Variants in ESR1 observed in about 807,000 individuals in gnomAD.
ESR1 encodes the protein estrogen receptor 1.
A neutral mutation model predicts 52.7 loss-of-function variants in ESR1; 12 were observed. That is an observed-to-expected ratio of 0.23 (90% confidence interval 0.15 to 0.37). ESR1 has a LOEUF of 0.37. Among genes scored for constraint, ESR1 ranks in the 10% least tolerant of loss-of-function variants. The probability of loss-of-function intolerance (pLI) is 1.00; values close to 1 mark genes in which losing one functional copy is unlikely to be tolerated. For missense variants in ESR1, 584 were observed against 779.7 expected, an observed-to-expected ratio of 0.75 and a Z score of 2.99; for synonymous variants, 305 against 316.8, an observed-to-expected ratio of 0.96 and a Z score of 0.39.
intron 2 of ESR1, among the ~76,000 whole-genome samples, chr6:151,786,200 G>T (rs76840512): frequency 0.063 from 9,558 of 152,242 alleles, 458 homozygotes; most frequent in Non-Finnish European, 0.092. Flanking sequence ...CACAACTGCT[G>T]GAGAAGAGAT....
intron 1 of ESR1, among the ~76,000 whole-genome samples, chr6:151,832,557 G>T (rs1368534002): frequency 6.6e-6 from 1 of 152,200 alleles, no homozygotes; most frequent in Non-Finnish European, 1.5e-5. Context: ...TAGATGGACT[G>T]GGATGTTGCC....
intron 5 of ESR1, among the ~76,000 whole-genome samples, chr6:152,024,738 T>C (rs2043984235): frequency 6.8e-6 from 1 of 148,006 alleles, no homozygotes; most frequent in East Asian, 1.9e-4. Context: ...TATATACATG[T>C]ATTGTATTTA....
chr6:151,890,511 A>G (rs923847629), intron 3 of ESR1, among the ~76,000 whole-genome samples: 1 of 152,220 alleles, frequency 6.6e-6, no homozygotes, highest in Non-Finnish European at 1.5e-5. Flanking sequence ...TCTGTGCTAA[A>G]GTATAGTTTA....
chr6:151,815,851 T>C (rs918433871), intron 1 of ESR1, among the ~76,000 whole-genome samples: 2 of 152,204 alleles, frequency 1.3e-5, no homozygotes, highest in Non-Finnish European at 2.9e-5. Flanking sequence ...GCCCTCAGAC[T>C]ATAAACAAGT....
chr6:151,833,477 C>G (rs188163365), intron 1 of ESR1, among the ~76,000 whole-genome samples: 2 of 152,278 alleles, frequency 1.3e-5, no homozygotes, highest in East Asian at 3.9e-4. Flanking sequence ...TAGAACCCTG[C>G]CTGGCTCTTG....
intron 1 of ESR1, among the ~76,000 whole-genome samples, chr6:151,819,598 G>A (rs1780229179): frequency 6.6e-6 from 1 of 152,164 alleles, no homozygotes; most frequent in Non-Finnish European, 1.5e-5. Flanking sequence ...ATCTGTCATT[G>A]TGTCCCATCA....
upstream of ESR1, chr6:151,807,256 G>T: frequency 6.2e-6 from 1 of 161,626 alleles, no homozygotes; most frequent in Non-Finnish European, 1.4e-5. Context: ...CCTCCCCAGG[G>T]TCATCCTATG....
intron 3 of ESR1, among the ~76,000 whole-genome samples, chr6:151,885,826 G>T (rs1228751765): frequency 2.0e-5 from 3 of 152,174 alleles, no homozygotes; most frequent in South Asian, 2.1e-4. Flanking sequence ...CTGCATTCCA[G>T]CCTGGGCAAC....
At chr6:151,674,336 T>C (rs2115266595) in intron 1 of ESR1, among the ~76,000 whole-genome samples, 1 of 152,268 alleles carries the variant, frequency 6.6e-6, no homozygotes, top group East Asian at 1.9e-4. Flanking sequence ...CCAGCTTCAT[T>C]CATGTCCCTG....
At chr6:151,894,154 T>C (rs1473687068) in intron 3 of ESR1, among the ~76,000 whole-genome samples, 2 of 152,170 alleles carry the variant, frequency 1.3e-5, no homozygotes, top group African/African-American at 4.8e-5. Flanking sequence ...TTTGGTGATG[T>C]TGAGTATTTT....
intron 1 of ESR1, among the ~76,000 whole-genome samples, chr6:151,676,280 G>T (rs557091132): frequency 6.6e-6 from 1 of 152,244 alleles, no homozygotes; most frequent in African/African-American, 2.4e-5. Flanking sequence ...GTCTTCCAAG[G>T]GCTATGAAGG....
At chr6:152,085,440 G>T (rs879349901) in intron 6 of ESR1, among the ~76,000 whole-genome samples, 52 of 152,274 alleles carry the variant, frequency 3.4e-4, no homozygotes, top group African/African-American at 1.2e-3. Flanking sequence ...CATAAATTTG[G>T]ATAAGACACA....
intron 4 of ESR1, among the ~76,000 whole-genome samples, chr6:151,975,878 G>T (rs1451230803): frequency 6.6e-6 from 1 of 152,118 alleles, no homozygotes; most frequent in African/African-American, 2.4e-5. Context: ...TTAGAGAAAC[G>T]CTGGTCATTC....
intron 2 of ESR1, among the ~76,000 whole-genome samples, chr6:151,789,213 A>G (rs1787301513): frequency 6.6e-6 from 1 of 152,196 alleles, no homozygotes; most frequent in Admixed American, 6.5e-5. Context: ...GCCATTTTGG[A>G]AAATAGCCAA....
chr6:152,021,728 C>G (rs1376968885), intron 5 of ESR1, among the ~76,000 whole-genome samples: 4 of 152,164 alleles, frequency 2.6e-5, no homozygotes, highest in Non-Finnish European at 5.9e-5. Flanking sequence ...GCCTCCCATA[C>G]TTCCCACGTG....
intron 6 of ESR1, among the ~76,000 whole-genome samples, chr6:152,062,686 G>A (rs1007692504): frequency 1.3e-5 from 2 of 152,142 alleles, no homozygotes; most frequent in Non-Finnish European, 2.9e-5. Context: ...TGCCTTCTTC[G>A]GTGGAGGGCT....
Position 152,099,838 on chromosome 6 carries a change from T to C in ESR1, c.*872T>C, listed in dbSNP as rs544359472. 8 of 396,536 alleles carry C rather than the reference T, an allele frequency of 2.0e-5. No homozygotes were observed. The highest frequency in any genetic ancestry group is 1.6e-4 in the African/African-American group (8 of 48,740). 24.6% of individuals were successfully genotyped at this position (396,536 alleles called of 1,614,324 possible). A position where few individuals can be genotyped will look rare whatever the true frequency, so the allele number is the denominator to read the frequency against. On this transcript the variant is annotated 3_prime_UTR_variant, in exon 8 of 8. Transcript: ENST00000206249. ...CAGTAAGGTCAGCTTCAGGACCTGT[T>C]CCAGTGGGCACTGTACTTGGATCTT...
downstream of ESR1, among the ~76,000 whole-genome samples, chr6:152,105,525 A>G (rs2051054005): frequency 6.6e-6 from 1 of 151,272 alleles, no homozygotes; most frequent in Non-Finnish European, 1.5e-5. Context: ...TCCTGGGTTC[A>G]AGCGATTCTC....
chr6:152,061,195 C>A lies in ESR1; in HGVS notation c.1369+71C>A, dbSNP rs2128959321. ...TTTGTAGTTTTCAACCAGATACGAT[C>A]TACCCACTCCAAAGGCATAATGTCA... On this transcript the variant is annotated intron_variant, in intron 6 of 7. Coordinates refer to ENST00000206249, the MANE Select transcript of ESR1 (RefSeq NM_000125.4). This position sits in a 1 kb window ranked among gnomAD's most constrained non-coding sequence, Gnocchi z 4.3. The A allele has an allele frequency of 7.0e-7, 1 of 1,433,078 alleles. No homozygotes were observed. The highest frequency in any genetic ancestry group is 9.8e-7 in the Non-Finnish European group (1 of 1,018,542). 88.8% of individuals were successfully genotyped at this position (1,433,078 alleles called of 1,614,324 possible).
Sources: gnomAD v4.1 joint callset for allele counts (sites outside exome capture counted in the v4.1 genomes callset) on GRCh38, gnomAD v4.1.1 for gene constraint, Gnocchi (gnomAD v3.1) non-coding constraint, MANE v1.5 for transcripts, NCBI Gene and HGNC (gene_info 2026-07-23, HGNC 2026-07-21) for gene names.